TMEM108: variants seen among roughly 807,000 people sequenced by gnomAD.
TMEM108 encodes the protein cancer/testis antigen 124.
Under a neutral mutation model 35.1 loss-of-function variants are expected in TMEM108, and 12 were observed. That is an observed-to-expected ratio of 0.34 (90% confidence interval 0.22 to 0.55). The LOEUF is 0.55. Among genes scored for constraint, TMEM108 ranks in the 20% least tolerant of loss-of-function variants. TMEM108 has a pLI of 0.89. For synonymous variants in TMEM108, 287 were observed against 308.6 expected (o/e 0.93, Z 0.73); for missense variants, 680 against 753.3 (o/e 0.90, Z 1.14).
chr3:133,352,351 G>C (rs1248032350), intron 3 of TMEM108, among the ~76,000 whole-genome samples: 2 of 152,022 alleles, frequency 1.3e-5, no homozygotes, highest in Non-Finnish European at 2.9e-5. Flanking sequence ...AAATGTTGGG[G>C]GCAGTGGGTT....
At chr3:133,378,307 C>G in intron 3 of TMEM108, 1 of 980,216 alleles carries the variant, frequency 1.0e-6, no homozygotes, top group Non-Finnish European at 1.2e-6. Context: ...AAAGGCATGC[C>G]TGGAGATCTC....
chr3:133,176,465 G>C (rs13073595), intron 2 of TMEM108, among the ~76,000 whole-genome samples: 39,655 of 151,036 alleles, frequency 0.26, 5,382 homozygotes, highest in Middle Eastern at 0.38. Context: ...AAATTACATT[G>C]TCTCTCAGAC....
At chr3:133,260,789 A>G (rs11709944) in intron 3 of TMEM108, among the ~76,000 whole-genome samples, 50,925 of 152,068 alleles carry the variant, frequency 0.33, 8,960 homozygotes, top group East Asian at 0.48. Flanking sequence ...AGTTGATTAC[A>G]TAGTCAGGCA....
Position 133,253,770 on chromosome 3 carries a change from G to A in TMEM108, c.40+24419G>A, listed in dbSNP as rs372760093. On this transcript the variant is annotated intron_variant, in intron 3 of 5. Transcript: ENST00000321871. ...TTTACCTGCTTTCATTGTTTACCAG[G>A]TTTCCCTTGGTTGGCTGACAGCCAT... is the stretch of plus-strand genomic sequence containing the variant. Among the ~76,000 whole-genome samples, 41 of 152,212 alleles carry A rather than the reference G, an allele frequency of 2.7e-4. No homozygotes were observed. The East Asian group carries it at 2.7e-3, about 10-fold the overall frequency.
intron 2 of TMEM108, among the ~76,000 whole-genome samples, chr3:133,072,183 C>G (rs1289447385): frequency 1.3e-5 from 2 of 152,046 alleles, no homozygotes; most frequent in Non-Finnish European, 2.9e-5. Context: ...TTAGGAGAAT[C>G]CTGATGACAT....
intron 2 of TMEM108, among the ~76,000 whole-genome samples, chr3:133,080,364 GA>G (rs1406781963): frequency 2.6e-5 from 4 of 152,238 alleles, no homozygotes; most frequent in African/African-American, 9.6e-5. Flanking sequence ...CAAAATAACT[GA>G]TTTACATAAA....
chr3:133,195,518 C>T lies in TMEM108; in HGVS notation c.-46-33748C>T, dbSNP rs761701644. ...TCCTATTCTCTTGTAATGCAGCATA[C>T]GGTATTTCTGTTGTGGCTCTTAACC... On this transcript the variant is annotated intron_variant, in intron 2 of 5. Transcript: ENST00000321871. 7.2e-5 allele frequency among the ~76,000 whole-genome samples: 11 copies of T among 152,084 alleles called. 1 individual carries two copies. In the South Asian group the frequency reaches 8.3e-4, roughly 11 times the overall value.
At chr3:133,149,445 A>G (rs1048561223) in intron 2 of TMEM108, among the ~76,000 whole-genome samples, 2 of 152,174 alleles carry the variant, frequency 1.3e-5, no homozygotes, top group Non-Finnish European at 2.9e-5. Flanking sequence ...TATGCTGTAT[A>G]TTTGATCACC....
intron 3 of TMEM108, among the ~76,000 whole-genome samples, chr3:133,240,932 TA>T (rs565110093): frequency 9.4e-5 from 14 of 148,802 alleles, no homozygotes; most frequent in Non-Finnish European, 1.0e-4. Context: ...AAATCTTATT[TA>T]AAAAAAAAAG....
At chr3:133,039,171 G>A (rs1378063790) in intron 1 of TMEM108, among the ~76,000 whole-genome samples, 3 of 152,216 alleles carry the variant, frequency 2.0e-5, no homozygotes, top group Non-Finnish European at 4.4e-5. Flanking sequence ...CAGATGCAGC[G>A]TAACTGATGA....
At chr3:133,352,790 C>A (rs1298100969) in intron 3 of TMEM108, among the ~76,000 whole-genome samples, 1 of 152,204 alleles carries the variant, frequency 6.6e-6, no homozygotes, top group Non-Finnish European at 1.5e-5. Flanking sequence ...AATCCAGAGG[C>A]TCTCTGAACC....
At chr3:133,220,410 A>C (rs921338519) in intron 2 of TMEM108, among the ~76,000 whole-genome samples, 1 of 151,944 alleles carries the variant, frequency 6.6e-6, no homozygotes, top group Non-Finnish European at 1.5e-5. Context: ...CTGACTAGCT[A>C]GGACTACAGG....
At chr3:133,135,920 T>C (rs1187233903) in intron 2 of TMEM108, among the ~76,000 whole-genome samples, 1 of 152,190 alleles carries the variant, frequency 6.6e-6, no homozygotes, top group Non-Finnish European at 1.5e-5. Context: ...TTTTATGTGC[T>C]TCAGGACAAA....
intron 2 of TMEM108, among the ~76,000 whole-genome samples, chr3:133,163,048 G>C (rs1252151159): frequency 6.6e-6 from 1 of 152,166 alleles, no homozygotes; most frequent in African/African-American, 2.4e-5. Flanking sequence ...TCTGTTGCTT[G>C]CTTTCTAACT....
At chr3:133,180,910 A>T (rs1375900) in intron 2 of TMEM108, among the ~76,000 whole-genome samples, 150,062 of 151,564 alleles carry the variant, frequency 0.99, 74,299 homozygotes, top group East Asian at 1. Flanking sequence ...AACTTTTAAC[A>T]CAAACTTCAC....
chr3:133,386,195 A>AGACTT (rs1227761787), intron 4 of TMEM108, among the ~76,000 whole-genome samples: 3 of 152,356 alleles, frequency 2.0e-5, no homozygotes, highest in African/African-American at 7.2e-5. Flanking sequence ...GCAACCTCGA[A>AGACTT]GACTTGTAAA....
At chr3:133,277,242 C>G (rs960856773) in intron 3 of TMEM108, among the ~76,000 whole-genome samples, 1 of 151,744 alleles carries the variant, frequency 6.6e-6, no homozygotes. Context: ...ATAATTGTAC[C>G]GTGGTTATGT....
At chr3:133,273,457 A>G (rs1233790294) in intron 3 of TMEM108, among the ~76,000 whole-genome samples, 3 of 152,084 alleles carry the variant, frequency 2.0e-5, no homozygotes, top group Non-Finnish European at 2.9e-5. Flanking sequence ...CACCACGTCT[A>G]CCTCCCACAC....
chr3:133,310,486 T>C (rs1453837703), intron 3 of TMEM108, among the ~76,000 whole-genome samples: 1 of 151,282 alleles, frequency 6.6e-6, no homozygotes, highest in African/African-American at 2.4e-5. Flanking sequence ...TGGTCTTTGT[T>C]GGTTTAAAGT....
Sources: allele counts gnomAD v4.1 joint callset (sites outside exome capture counted in the v4.1 genomes callset), GRCh38; gene constraint gnomAD v4.1.1; transcripts MANE v1.5; gene names NCBI Gene and HGNC (gene_info 2026-07-23, HGNC 2026-07-21).